The following GALNT13 variants were observed in gnomAD, a reference collection of about 807,000 sequenced individuals.
GALNT13 encodes UDP-GalNAc:polypeptide N-acetylgalactosaminyltransferase 13.
Under a neutral mutation model 64.2 loss-of-function variants are expected in GALNT13, and 28 were observed. The ratio of observed to expected loss-of-function variants is 0.44; its 90% CI spans 0.32 to 0.60. The LOEUF (loss-of-function observed/expected upper bound fraction) is 0.60. GALNT13 is among the 20% of genes least tolerant of loss of function. The pLI is 0.05. For synonymous variants in GALNT13, 214 were observed against 224.6 expected (o/e 0.95, Z 0.42); for missense variants, 577 against 669.8 (o/e 0.86, Z 1.53).
the GALNT13 span, among the ~76,000 whole-genome samples, chr2:153,318,139 C>A: frequency 3.3e-5 from 3 of 90,884 alleles, no homozygotes; most frequent in Admixed American, 1.0e-4. Flanking sequence ...TTTTTTTTTC[C>A]TTTTAAAACA....
chr2:154,205,083 C>T (rs937441442), intron 4 of GALNT13, among the ~76,000 whole-genome samples: 3 of 152,124 alleles, frequency 2.0e-5, no homozygotes, highest in Non-Finnish European at 2.9e-5. Context: ...TCATAATCAT[C>T]GGGTGAATAG....
chr2:153,579,571 T>G, the GALNT13 span, among the ~76,000 whole-genome samples: 1 of 152,176 alleles, frequency 6.6e-6, no homozygotes, highest in African/African-American at 2.4e-5. Flanking sequence ...TTGAGCATAA[T>G]TTGAGAAAAG....
At chr2:153,552,203 G>C in the GALNT13 span, among the ~76,000 whole-genome samples, 2 of 152,170 alleles carry the variant, frequency 1.3e-5, no homozygotes, top group African/African-American at 4.8e-5. Context: ...TGTTTAAATA[G>C]ATCGAGGAAA....
At chr2:154,003,842 T>C (rs1042507143) in intron 3 of GALNT13, among the ~76,000 whole-genome samples, 3 of 152,150 alleles carry the variant, frequency 2.0e-5, no homozygotes, top group Non-Finnish European at 2.9e-5. Context: ...TCTGTGACCA[T>C]GTAAGATGTG....
chr2:153,536,668 T>C, the GALNT13 span, among the ~76,000 whole-genome samples: 1 of 152,224 alleles, frequency 6.6e-6, no homozygotes, highest in African/African-American at 2.4e-5. Flanking sequence ...CTAATATTCA[T>C]TAGCATATAA....
chr2:153,195,244 A>T, the GALNT13 span, among the ~76,000 whole-genome samples: 17 of 152,142 alleles, frequency 1.1e-4, no homozygotes, highest in Admixed American at 7.9e-4. Context: ...TCTGTGTCCC[A>T]TGGTGCCTTT....
chr2:154,315,637 G>T (rs1273917187), intron 9 of GALNT13, among the ~76,000 whole-genome samples: 1 of 152,070 alleles, frequency 6.6e-6, no homozygotes, highest in East Asian at 1.9e-4. Flanking sequence ...GGTACTAATT[G>T]TATATTAATT....
chr2:154,138,942 GATA>G (rs1683104266), intron 3 of GALNT13, among the ~76,000 whole-genome samples: 1 of 152,034 alleles, frequency 6.6e-6, no homozygotes, highest in Admixed American at 6.6e-5. Context: ...TAAAGTGAAT[GATA>G]ATCTTTGTAA....
chr2:153,994,844 A>G (rs1166536508), intron 3 of GALNT13, among the ~76,000 whole-genome samples: 1 of 152,032 alleles, frequency 6.6e-6, no homozygotes, highest in African/African-American at 2.4e-5. Flanking sequence ...GTAGATTGCA[A>G]AAATTTTCTC....
At chr2:153,433,514 T>C in the GALNT13 span, among the ~76,000 whole-genome samples, 5 of 152,220 alleles carry the variant, frequency 3.3e-5, no homozygotes, top group South Asian at 2.1e-4. Flanking sequence ...CTATTAATGC[T>C]TGTTTTTTCA....
chr2:153,241,425 C>T, the GALNT13 span, among the ~76,000 whole-genome samples: 2 of 152,164 alleles, frequency 1.3e-5, no homozygotes, highest in Admixed American at 1.3e-4. Flanking sequence ...GTTCCCCATG[C>T]AGCTTTGGGC....
chr2:154,417,513 A>ATTTTTTTTTTTTTTTTTTTTT (rs1387223429), intron 11 of GALNT13, among the ~76,000 whole-genome samples: 4 of 130,284 alleles, frequency 3.1e-5, no homozygotes, highest in East Asian at 2.3e-4. Context: ...TTATTTATTT[A>ATTTTTTTTTTTTTTTTTTTTT]TTTATTTATT....
intron 4 of GALNT13, among the ~76,000 whole-genome samples, chr2:154,230,366 A>G (rs187738155): frequency 6.6e-6 from 1 of 152,280 alleles, no homozygotes; most frequent in East Asian, 1.9e-4. Context: ...ACTACTTCCA[A>G]TAGCATGAAA....
the GALNT13 span, among the ~76,000 whole-genome samples, chr2:153,331,937 T>C: frequency 6.6e-6 from 1 of 152,210 alleles, no homozygotes; most frequent in African/African-American, 2.4e-5. Context: ...ATCTATTTAC[T>C]CTAAATTTTT....
At chr2:154,119,034 T>C (rs1371894248) in intron 3 of GALNT13, among the ~76,000 whole-genome samples, 1 of 152,194 alleles carries the variant, frequency 6.6e-6, no homozygotes, top group Non-Finnish European at 1.5e-5. Context: ...GTTTTACTTA[T>C]ACCATTAGGT....
chr2:154,147,401 A>ATATC (rs1553484806), intron 4 of GALNT13, among the ~76,000 whole-genome samples: 1 of 149,160 alleles, frequency 6.7e-6, no homozygotes, highest in African/African-American at 2.5e-5. Context: ...ATATATATAT[A>ATATC]TCTCCTAGTA....
chr2:154,018,117 G>A (rs1697130227), intron 3 of GALNT13, among the ~76,000 whole-genome samples: 1 of 152,210 alleles, frequency 6.6e-6, no homozygotes, highest in Non-Finnish European at 1.5e-5. Flanking sequence ...TTCAATGGCA[G>A]TAGCAACTTG....
At chr2:154,066,184 G>T (rs1459546584) in intron 3 of GALNT13, among the ~76,000 whole-genome samples, 1 of 151,962 alleles carries the variant, frequency 6.6e-6, no homozygotes, top group Non-Finnish European at 1.5e-5. Context: ...CACAGCAGAC[G>T]AAAGAAAAGA....
intron 3 of GALNT13, among the ~76,000 whole-genome samples, chr2:154,032,964 T>TTTC (rs1259513247): frequency 1.3e-5 from 2 of 151,608 alleles, no homozygotes; most frequent in Non-Finnish European, 2.9e-5. Flanking sequence ...TTGGGGATTT[T>TTTC]CTACATAGAA....
Sources: allele counts gnomAD v4.1 joint callset (sites outside exome capture counted in the v4.1 genomes callset), GRCh38; gene constraint gnomAD v4.1.1; transcripts MANE v1.5; gene names NCBI Gene and HGNC (gene_info 2026-07-23, HGNC 2026-07-21).